The following MAGI2 variants were observed in gnomAD, a reference collection of about 807,000 sequenced individuals.
MAGI2 encodes the protein membrane associated guanylate kinase, WW and PDZ domain containing 2.
MAGI2 carries 35 observed loss-of-function variants against 133.3 expected under a neutral mutation model. That is an observed-to-expected ratio of 0.26 (90% confidence interval 0.20 to 0.35). The LOEUF (loss-of-function observed/expected upper bound fraction) is 0.35, where lower values mean the gene tolerates loss of function less well. MAGI2 is among the 10% of genes least tolerant of loss of function. MAGI2 has a pLI of 1.00. For synonymous variants in MAGI2, 729 were observed against 710.6 expected, an observed-to-expected ratio of 1.03 and a Z score of -0.41; for missense variants, 1,636 against 1,863.4, an observed-to-expected ratio of 0.88 and a Z score of 2.25.
At chr7:78,223,121 C>T (rs1439190451) in intron 10 of MAGI2, among the ~76,000 whole-genome samples, 2 of 152,112 alleles carry the variant, frequency 1.3e-5, no homozygotes, top group African/African-American at 4.8e-5. Flanking sequence ...CTGTTCATAC[C>T]ACAGTTTCTA....
At chr7:79,016,005 G>GT (rs988298547) in intron 1 of MAGI2, among the ~76,000 whole-genome samples, 59 of 116,584 alleles carry the variant, frequency 5.1e-4, no homozygotes, top group Non-Finnish European at 9.0e-4. Context: ...AAGCGGGGGG[G>GT]GGGGGTGGGG....
intron 2 of MAGI2, among the ~76,000 whole-genome samples, chr7:78,927,102 A>T (rs939246391): frequency 2.0e-5 from 3 of 152,052 alleles, no homozygotes; most frequent in African/African-American, 7.2e-5. Flanking sequence ...ATCTACAACA[A>T]TACTTTTCAT....
chr7:78,135,253 A>G, intron 16 of MAGI2, 47 bp from the exon 17 acceptor site: 1 of 1,458,396 alleles, frequency 6.9e-7, no homozygotes, highest in East Asian at 2.3e-5. Flanking sequence ...TCACCAATAC[A>G]TGTTCTTTCA....
At chr7:78,316,764 CTA>C (rs1459891529) in intron 9 of MAGI2, among the ~76,000 whole-genome samples, 1 of 152,068 alleles carries the variant, frequency 6.6e-6, no homozygotes, top group Non-Finnish European at 1.5e-5. Context: ...AATTATAACC[CTA>C]GAGTGAGTAA....
At position 78,837,035 on chromosome 7, in the gene MAGI2, G is replaced by A. The variant is rs190287676; in HGVS notation, c.418+170055C>T. Reference sequence around the variant, plus strand: ...ACCTTCACATAAACAAATTCATTTCGTTTTTCAAAATGCCTGTCTAAGGTG... The same window carrying A: ...ACCTTCACATAAACAAATTCATTTCATTTTTCAAAATGCCTGTCTAAGGTG... On this transcript the variant is annotated intron_variant, in intron 2 of 21. Transcript: ENST00000354212. 1.8e-4 allele frequency among the ~76,000 whole-genome samples: 28 copies of A among 152,138 alleles called. No homozygotes were observed. The East Asian group carries it at 2.3e-3, about 13-fold the overall frequency.
intron 9 of MAGI2, among the ~76,000 whole-genome samples, chr7:78,319,689 T>C (rs1481149836): frequency 6.6e-6 from 1 of 152,062 alleles, no homozygotes; most frequent in Non-Finnish European, 1.5e-5. Flanking sequence ...AGATCTAAAA[T>C]TGACACCCTA....
intron 1 of MAGI2, among the ~76,000 whole-genome samples, chr7:79,126,079 A>G (rs1247473474): frequency 6.6e-6 from 1 of 152,224 alleles, no homozygotes; most frequent in Non-Finnish European, 1.5e-5. Context: ...GTTTTAATGT[A>G]GTTTTGTTTT....
At chr7:78,472,122 A>C (rs1039715332) in intron 6 of MAGI2, among the ~76,000 whole-genome samples, 1 of 152,110 alleles carries the variant, frequency 6.6e-6, no homozygotes, top group Non-Finnish European at 1.5e-5. Context: ...AAGTGTTTAC[A>C]TAAACTAGGT....
At chr7:79,306,393 C>T (rs1837818024) in intron 1 of MAGI2, among the ~76,000 whole-genome samples, 1 of 150,690 alleles carries the variant, frequency 6.6e-6, no homozygotes, top group Non-Finnish European at 1.5e-5. Flanking sequence ...AACTCTTCGG[C>T]TTAAGTGATT....
intron 5 of MAGI2, among the ~76,000 whole-genome samples, chr7:78,492,784 A>C (rs892253173): frequency 6.6e-6 from 1 of 152,170 alleles, no homozygotes; most frequent in Non-Finnish European, 1.5e-5. Flanking sequence ...TGCCAATGCT[A>C]TATAATTTTC....
chr7:78,948,811 C>T (rs186447851), intron 2 of MAGI2, among the ~76,000 whole-genome samples: 51 of 152,038 alleles, frequency 3.4e-4, no homozygotes, highest in Non-Finnish European at 1.0e-4. Context: ...TTGCTCAATA[C>T]GAACATATCA....
At chr7:78,524,456 T>A (rs919794882) in intron 3 of MAGI2, among the ~76,000 whole-genome samples, 2 of 151,982 alleles carry the variant, frequency 1.3e-5, no homozygotes, top group Admixed American at 1.3e-4. Flanking sequence ...TTCTGAAGGC[T>A]AGCTGTGCCA....
intron 9 of MAGI2, among the ~76,000 whole-genome samples, chr7:78,260,970 T>A (rs1002878902): frequency 1.3e-5 from 2 of 152,104 alleles, no homozygotes; most frequent in African/African-American, 2.4e-5. Context: ...ATTGCTTTAA[T>A]TAGAGTTATT....
In MAGI2 at chr7:79,215,380, GT is replaced by G. The variant is rs552821105; in HGVS notation, c.302-208175del. Among the ~76,000 whole-genome samples, 20 of 152,030 alleles carry G rather than the reference GT, an allele frequency of 1.3e-4. No individual in the cohort carries two copies. The East Asian group carries it at 3.9e-3, about 29-fold the overall frequency. On this transcript the variant is annotated intron_variant, in intron 1 of 21. Coordinates refer to ENST00000354212, the MANE Select transcript of MAGI2 (RefSeq NM_012301.4). Reference sequence around the variant, plus strand: ...CATAGAGAATTCCCTTCACTTTCCAGTTTTTTTCCTGATCCAGGAGAAATGA... The same window carrying G: ...CATAGAGAATTCCCTTCACTTTCCAGTTTTTTCCTGATCCAGGAGAAATGA...
intron 20 of MAGI2, among the ~76,000 whole-genome samples, chr7:78,091,944 G>A (rs551183226): frequency 1.3e-5 from 2 of 152,318 alleles, no homozygotes; most frequent in South Asian, 4.1e-4. Context: ...TCTGATTCAC[G>A]TGTACTGAGG....
chr7:78,679,700 C>G (rs550812461), intron 2 of MAGI2, among the ~76,000 whole-genome samples: 2 of 152,040 alleles, frequency 1.3e-5, no homozygotes, highest in African/African-American at 2.4e-5. Flanking sequence ...AAAGACAGGT[C>G]GGAGGAAGCA....
intron 1 of MAGI2, among the ~76,000 whole-genome samples, chr7:79,209,446 A>G (rs1829320954): frequency 1.3e-5 from 2 of 152,096 alleles, no homozygotes; most frequent in Admixed American, 6.6e-5. Flanking sequence ...AATTCAAAAT[A>G]TAAACTTATT....
Position 78,877,043 on chromosome 7 carries a change from T to A in MAGI2, c.418+130047A>T, listed in dbSNP as rs560513060. Among the ~76,000 whole-genome samples the A allele has an allele frequency of 3.9e-5, 6 of 152,286 alleles. No homozygotes were observed. The East Asian group carries it at 9.7e-4, about 25-fold the overall frequency. ...TATGTCATATCTCCATCTTTGACTGTTTTGAGCTCCTCCTTACTTTCTGGC... is the reference window on the plus strand; with the variant it reads ...TATGTCATATCTCCATCTTTGACTGATTTGAGCTCCTCCTTACTTTCTGGC... On this transcript the variant is annotated intron_variant, in intron 2 of 21. Transcript: ENST00000354212.
chr7:78,748,442 T>C (rs1190411961), intron 2 of MAGI2, among the ~76,000 whole-genome samples: 1 of 152,230 alleles, frequency 6.6e-6, no homozygotes, highest in African/African-American at 2.4e-5. Flanking sequence ...AGCGCAGTCC[T>C]ATTATCGCTC....
Sources: allele counts gnomAD v4.1 joint callset (sites outside exome capture counted in the v4.1 genomes callset), GRCh38; gene constraint gnomAD v4.1.1; transcripts MANE v1.5; gene names NCBI Gene and HGNC (gene_info 2026-07-23, HGNC 2026-07-21).